DLGAP1: variants seen among roughly 807,000 people sequenced by gnomAD.
The protein encoded by DLGAP1 is disks large-associated protein 1.
Under a neutral mutation model 90.8 loss-of-function variants are expected in DLGAP1, and 11 were observed. The observed-to-expected ratio is 0.12, with a 90% CI of 0.08 to 0.20. The LOEUF (loss-of-function observed/expected upper bound fraction) is 0.20. DLGAP1 is among the 10% of genes least tolerant of loss of function. The probability of loss-of-function intolerance (pLI) is 1.00; values close to 1 mark genes in which losing one functional copy is unlikely to be tolerated. For synonymous variants in DLGAP1, 558 were observed against 540.7 expected, an observed-to-expected ratio of 1.03 and a Z score of -0.44; for missense variants, 1,050 against 1,333.8, an observed-to-expected ratio of 0.79 and a Z score of 3.31.
intron 1 of DLGAP1, among the ~76,000 whole-genome samples, chr18:4,401,031 A>T (rs1481322044): frequency 6.6e-6 from 1 of 152,204 alleles, no homozygotes; most frequent in Non-Finnish European, 1.5e-5. Context: ...AAATACTCCA[A>T]ATTACTTAGA....
chr18:3,899,547 G>A (rs1253539666), intron 3 of DLGAP1, among the ~76,000 whole-genome samples: 1 of 152,214 alleles, frequency 6.6e-6, no homozygotes, highest in East Asian at 1.9e-4. Context: ...TAGGGAATGA[G>A]ATTCAAAATT....
At chr18:3,668,689 G>A (rs1327355427) in intron 7 of DLGAP1, among the ~76,000 whole-genome samples, 1 of 152,142 alleles carries the variant, frequency 6.6e-6, no homozygotes, top group African/African-American at 2.4e-5. Context: ...GCAAATAGAC[G>A]CACCATAAAT....
chr18:4,136,365 C>G (rs965608095), intron 2 of DLGAP1, among the ~76,000 whole-genome samples: 5 of 152,018 alleles, frequency 3.3e-5, no homozygotes, highest in Non-Finnish European at 7.4e-5. Context: ...CCCTCCAGCA[C>G]TGGTTTCCCT....
intron 3 of DLGAP1, among the ~76,000 whole-genome samples, chr18:3,893,611 T>G (rs1454419770): frequency 6.7e-6 from 1 of 148,568 alleles, no homozygotes; most frequent in East Asian, 1.9e-4. Flanking sequence ...ATAATAATAA[T>G]AATAATAATA....
At chr18:3,578,948 CA>C (rs1327525718) in intron 8 of DLGAP1, among the ~76,000 whole-genome samples, 3 of 152,052 alleles carry the variant, frequency 2.0e-5, no homozygotes, top group Non-Finnish European at 2.9e-5. Flanking sequence ...CTAAAATATC[CA>C]ACTATTTAAG....
chr18:4,364,867 A>T (rs1034296368), intron 1 of DLGAP1, among the ~76,000 whole-genome samples: 5 of 152,134 alleles, frequency 3.3e-5, no homozygotes, highest in African/African-American at 1.2e-4. Context: ...CTTTGTTCTC[A>T]TTCATTTCGA....
intron 2 of DLGAP1, among the ~76,000 whole-genome samples, chr18:4,095,509 T>A (rs951014755): frequency 6.6e-6 from 1 of 152,186 alleles, no homozygotes; most frequent in African/African-American, 2.4e-5. Flanking sequence ...AGAATTCTTT[T>A]CTTGCTAACA....
At chr18:4,106,922 G>A (rs1207837943) in intron 2 of DLGAP1, among the ~76,000 whole-genome samples, 8 of 152,158 alleles carry the variant, frequency 5.3e-5, no homozygotes, top group Non-Finnish European at 1.0e-4. Flanking sequence ...AATCCGGAGT[G>A]TATAATTCTC....
At chr18:3,790,150 A>G (rs1457208772) in intron 5 of DLGAP1, among the ~76,000 whole-genome samples, 3 of 152,142 alleles carry the variant, frequency 2.0e-5, no homozygotes, top group Non-Finnish European at 4.4e-5. Context: ...TTTTAGAATG[A>G]CCTTCTTTCT....
intron 1 of DLGAP1, among the ~76,000 whole-genome samples, chr18:4,357,620 G>A (rs912375730): frequency 2.6e-5 from 4 of 152,168 alleles, no homozygotes; most frequent in Non-Finnish European, 5.9e-5. Flanking sequence ...AGAAGAGTTG[G>A]TGTAGCTGGA....
At chr18:3,609,290 TC>T (rs1377932298) in intron 7 of DLGAP1, among the ~76,000 whole-genome samples, 1 of 152,136 alleles carries the variant, frequency 6.6e-6, no homozygotes, top group Non-Finnish European at 1.5e-5. Context: ...CAAGTGATCC[TC>T]CCACCTTGGC....
intron 3 of DLGAP1, among the ~76,000 whole-genome samples, chr18:3,977,434 G>GTTTTTTTTTTTTTTTTTTTTT (rs58599574): frequency 3.1e-5 from 3 of 95,332 alleles, no homozygotes; most frequent in African/African-American, 8.4e-5. Context: ...TTTATTCTGT[G>GTTTTTTTTTTTTTTTTTTTTT]TTTTTTTTTT....
chr18:4,220,411 G>C (rs749569381), intron 1 of DLGAP1, among the ~76,000 whole-genome samples: 6 of 152,082 alleles, frequency 3.9e-5, no homozygotes, highest in African/African-American at 7.2e-5. Flanking sequence ...CTGTGCATGA[G>C]TGCAACTCAA....
At chr18:3,531,064 TCACTACTCTTTGACA>T (rs1050322891) in intron 10 of DLGAP1, among the ~76,000 whole-genome samples, 22 of 152,164 alleles carry the variant, frequency 1.4e-4, no homozygotes, top group African/African-American at 5.3e-4. Context: ...AGGGAAAAAC[TCACTACTCTTTGACA>T]CCACTAGTTT....
intron 1 of DLGAP1, among the ~76,000 whole-genome samples, chr18:4,424,447 T>G (rs2083108472): frequency 1.3e-5 from 2 of 152,222 alleles, no homozygotes; most frequent in Admixed American, 1.3e-4. Flanking sequence ...CTCCTAGTTT[T>G]ATTATTAAGA....
intron 1 of DLGAP1, among the ~76,000 whole-genome samples, chr18:4,338,885 G>A (rs2081130088): frequency 6.6e-6 from 1 of 152,032 alleles, no homozygotes; most frequent in African/African-American, 2.4e-5. Context: ...TATTATTATA[G>A]CGGACCTTCA....
intron 1 of DLGAP1, among the ~76,000 whole-genome samples, chr18:4,265,518 T>G (rs1351941081): frequency 1.4e-5 from 2 of 147,056 alleles, no homozygotes; most frequent in Admixed American, 6.7e-5. Context: ...TTCTTCTTTT[T>G]CTTTCTTTCC....
At chr18:4,032,116 A>G (rs1430045466) in intron 2 of DLGAP1, among the ~76,000 whole-genome samples, 1 of 152,234 alleles carries the variant, frequency 6.6e-6, no homozygotes, top group Non-Finnish European at 1.5e-5. Context: ...AGTTTACCTA[A>G]GGTAACTAAG....
At chr18:3,911,587 T>G (rs2072035526) in intron 3 of DLGAP1, among the ~76,000 whole-genome samples, 1 of 152,184 alleles carries the variant, frequency 6.6e-6, no homozygotes, top group Admixed American at 6.5e-5. Context: ...GGGTGTGTGG[T>G]GACATGGTAT....
Sources: allele counts gnomAD v4.1 joint callset (sites outside exome capture counted in the v4.1 genomes callset), GRCh38; gene constraint gnomAD v4.1.1; transcripts MANE v1.5; gene names NCBI Gene and HGNC (gene_info 2026-07-23, HGNC 2026-07-21).